The following SERHL2 variants were observed in gnomAD, a reference collection of about 807,000 sequenced individuals.
SERHL2 encodes the protein serine hydrolase-like protein 2.
Under a neutral mutation model 25.5 loss-of-function variants are expected in SERHL2, and 29 were observed. That is an observed-to-expected ratio of 1.14 (90% CI 0.85 to 1.55). SERHL2 has a LOEUF of 1.55. Ranked by LOEUF, SERHL2 falls within the 40% of genes most tolerant of loss-of-function variation. SERHL2 has a pLI of 0.00. For missense variants in SERHL2, 240 were observed against 252.3 expected, an observed-to-expected ratio of 0.95 and a Z score of 0.33; for synonymous variants, 95 against 103.5, an observed-to-expected ratio of 0.92 and a Z score of 0.50.
chr22:42,566,322 A>G lies in SERHL2; in HGVS notation c.632A>G (p.Asp211Gly), dbSNP rs755732745. Reference sequence around the variant, plus strand: ...CCTCCAGGTCTGGTTCTGAACAGAGACCAGAGGCTCGCCTGGGTGAGTACC... The same window carrying G: ...CCTCCAGGTCTGGTTCTGAACAGAGGCCAGAGGCTCGCCTGGGTGAGTACC... ...KVATGLVLNR[D>G]QRLAWAENSI... The change falls in exon 9 of 12, where the codon GAC becomes GGC. Residue 211 changes from aspartate to glycine, a missense_variant. Asp to Gly is a moderately conservative substitution (Grantham distance 94). This residue lies in a region of SERHL2 where 212 missense variants were observed against 168.9 expected (regional missense o/e 1.25). Transcript: ENST00000327678. 3 of 1,612,188 alleles carry G rather than the reference A, an allele frequency of 1.9e-6. No homozygotes were observed. The highest frequency in any genetic ancestry group is 2.5e-6 in the Non-Finnish European group (3 of 1,179,280).
chr22:42,562,389 G>C (rs1423556358), intron 8 of SERHL2, among the ~76,000 whole-genome samples: 4 of 151,868 alleles, frequency 2.6e-5, no homozygotes, highest in Non-Finnish European at 4.4e-5. Flanking sequence ...AGGGTCCAAG[G>C]TCAAGGCCTC....
Position 42,561,485 on chromosome 22 carries a change from G to C in SERHL2, c.613+1220G>C, listed in dbSNP as rs543383609. Among the ~76,000 whole-genome samples the C allele has an allele frequency of 4.3e-3, 650 of 151,498 alleles. 5 individuals are homozygous for C. Among genetic ancestry groups the C allele is most frequent in the Middle Eastern group, 0.01 (3 of 292 alleles). On this transcript the variant is annotated intron_variant, in intron 8 of 11. Coordinates refer to ENST00000327678, the MANE Select transcript of SERHL2 (RefSeq NM_014509.5). ...GGGTCAGAAACTCCAGCACCTGGGGGCGGGGGTGGGGGCGTGTTGTGGAGT... is the reference window on the plus strand; with the variant it reads ...GGGTCAGAAACTCCAGCACCTGGGGCCGGGGGTGGGGGCGTGTTGTGGAGT...
At chr22:42,561,388 GGTT>G (rs1922659322) in intron 8 of SERHL2, among the ~76,000 whole-genome samples, 1 of 151,282 alleles carries the variant, frequency 6.6e-6, no homozygotes, top group South Asian at 2.1e-4. Context: ...CAAGGTCTTG[GGTT>G]TTTTGCGCTC....
intron 8 of SERHL2, among the ~76,000 whole-genome samples, chr22:42,564,470 C>T (rs753407502): frequency 6.7e-6 from 1 of 150,158 alleles, no homozygotes; most frequent in Non-Finnish European, 1.5e-5. Context: ...TTGCTTTTGT[C>T]GTCCAAGCTG....
intron 9 of SERHL2, chr22:42,569,816 GGTGT>G (rs562218653): frequency 6.7e-6 from 1 of 149,618 alleles, no homozygotes; most frequent in Non-Finnish European, 1.5e-5. Context: ...AGTTTTCACT[GGTGT>G]GTGTGTGTTC....
intron 8 of SERHL2, among the ~76,000 whole-genome samples, chr22:42,563,203 TTTGTTG>T (rs1183231133): frequency 3.9e-5 from 3 of 77,096 alleles, no homozygotes; most frequent in Non-Finnish European, 6.6e-5. Flanking sequence ...TTTTTTTTTT[TTTGTTG>T]TTGTTGTTGT....
intron 11 of SERHL2, chr22:42,572,930 G>GCCTGCCTTGGCCTCCCA (rs1569286149): frequency 1.9e-5 from 3 of 161,888 alleles, no homozygotes; most frequent in African/African-American, 7.2e-5. Flanking sequence ...TTGGCCTCCC[G>GCCTGCCTTGGCCTCCCA]AAGTGCTGGT....
chr22:42,571,174 G>T lies in SERHL2; in HGVS notation c.702G>T (p.Arg234Ser), dbSNP rs762447420. ...GGGAGCTGTGTGCGCATTCCATCAG[G>T]AAGCTGCAGGCCCATGTCCTGTTGA... ...ISRELCAHSI[R>S]KLQAHVLLIK... is the part of the protein sequence containing the mutation. Residue 234 changes from arginine (R) to serine (S), a missense_variant, in exon 10 of 12, where the codon AGG (arginine) becomes AGT (serine). This residue lies in a region of SERHL2 where 212 missense variants were observed against 168.9 expected (regional missense o/e 1.25). Transcript: ENST00000327678. The T allele has an allele frequency of 6.2e-7, 1 of 1,613,486 alleles. No individual in the cohort carries two copies. The highest frequency in any genetic ancestry group is 1.3e-5 in the African/African-American group (1 of 75,012).
In SERHL2 at chr22:42,569,286, T is replaced by TA. The variant is rs557135454; in HGVS notation, c.649-1835_649-1834insA. On this transcript the variant is annotated intron_variant, in intron 9 of 11. Transcript: ENST00000327678. The stretch of plus-strand genomic sequence containing the variant: ...TTTATTTATTTATTTAGAGACCAAG[T>TA]CTTACTCTGTCATCCAGGGTGGAGT... The TA allele has an allele frequency of 2.0e-3, 300 of 151,868 alleles. 2 individuals carry two copies. The highest frequency in any genetic ancestry group is 6.9e-3 in the African/African-American group (288 of 41,498). The allele number at this position is 151,868 out of a possible 1,614,324, so 9.4% of individuals were successfully genotyped here. A position where few individuals can be genotyped will look rare whatever the true frequency, so the allele number is the denominator to read the frequency against.
At chr22:42,568,585 C>A (rs758457343) in intron 9 of SERHL2, among the ~76,000 whole-genome samples, 11 of 151,916 alleles carry the variant, frequency 7.2e-5, no homozygotes, top group Admixed American at 1.3e-4. Context: ...GGAAAGACTT[C>A]GTTAGGACAT....
intron 8 of SERHL2, 69 bp from the exon 9 acceptor site, chr22:42,566,233 CAA>C: frequency 6.6e-7 from 1 of 1,510,314 alleles, no homozygotes; most frequent in East Asian, 2.3e-5. Flanking sequence ...AGGGTTCCAG[CAA>C]AGTCACGGAG....
chr22:42,567,553 A>C (rs1205252443), intron 9 of SERHL2, among the ~76,000 whole-genome samples: 1 of 150,734 alleles, frequency 6.6e-6, no homozygotes, highest in Non-Finnish European at 1.5e-5. Flanking sequence ...AGTCCCAGCT[A>C]CTCGGGAGGC....
chr22:42,573,863 C>A, intron 11 of SERHL2, 73 bp from the exon 12 acceptor site: 2 of 1,494,938 alleles, frequency 1.3e-6, no homozygotes, highest in South Asian at 1.2e-5. Flanking sequence ...TGGGAGGGCC[C>A]TGACCCCGGG....
intron 11 of SERHL2, 58 bp from the exon 12 acceptor site, chr22:42,573,878 A>G (rs540306097): frequency 1.9e-6 from 3 of 1,557,934 alleles, no homozygotes; most frequent in Middle Eastern, 1.8e-4. Flanking sequence ...CCCGGGGCCC[A>G]TGGAGCTCCC....
intron 8 of SERHL2, among the ~76,000 whole-genome samples, chr22:42,563,136 T>C (rs1922889843): frequency 1.3e-5 from 2 of 151,830 alleles, no homozygotes; most frequent in South Asian, 4.1e-4. Flanking sequence ...GAGGCTGCAT[T>C]GAACCTTGAT....
In SERHL2 at chr22:42,556,092, A is replaced by G; in HGVS notation, c.348+9A>G. On this transcript the variant is annotated intron_variant, in intron 5 of 11. Transcript: ENST00000327678. ...GCGTCGTGGGCGGAATGGTGAGTAG[A>G]TGGCTTTGTCTGGCCAACTGGGGCT... is the stretch of plus-strand genomic sequence containing the variant. The G allele has an allele frequency of 1.8e-6, 1 of 556,848 alleles. No homozygotes were observed. Among genetic ancestry groups the G allele is most frequent in the Non-Finnish European group, 3.0e-6 (1 of 334,428 alleles). The allele number at this position is 556,848 out of a possible 1,614,324, so 34.5% of individuals were successfully genotyped here.
chr22:42,571,319 A>G, intron 10 of SERHL2, 116 bp downstream of exon 10: 1 of 1,534,136 alleles, frequency 6.5e-7, no homozygotes, highest in Non-Finnish European at 8.8e-7. Flanking sequence ...CCACATCGCT[A>G]AGGCTCAAGA....
intron 8 of SERHL2, among the ~76,000 whole-genome samples, chr22:42,566,069 G>A (rs1444753812): frequency 6.6e-6 from 1 of 152,076 alleles, no homozygotes; most frequent in Admixed American, 6.5e-5. Context: ...CGGCCCTTTG[G>A]GGTGGCCGGT....
At chr22:42,570,967 G>A (rs554371858) in intron 9 of SERHL2, among the ~76,000 whole-genome samples, 154 bp from the exon 10 acceptor site, 4 of 152,156 alleles carry the variant, frequency 2.6e-5, no homozygotes, top group East Asian at 1.9e-4. Flanking sequence ...AAGAGCCTTC[G>A]ATGAGGCAGT....
Sources: allele counts gnomAD v4.1 joint callset (sites outside exome capture counted in the v4.1 genomes callset), GRCh38; gene constraint gnomAD v4.1.1; regional missense constraint gnomAD v4.1.1; transcripts MANE v1.5; gene names NCBI Gene and HGNC (gene_info 2026-07-23, HGNC 2026-07-21).